The following UBE2Q1 variants were observed in gnomAD, a reference collection of about 807,000 sequenced individuals.
UBE2Q1 encodes ubiquitin conjugating enzyme E2 Q1.
UBE2Q1 carries 6 observed loss-of-function variants against 60.1 expected under a neutral mutation model. That is an observed-to-expected ratio of 0.10 (90% confidence interval 0.05 to 0.20). The LOEUF is 0.20. Ranked by LOEUF, UBE2Q1 falls within the 10% of genes least tolerant of loss-of-function variation. UBE2Q1 has a pLI of 1.00. For missense variants in UBE2Q1, 262 were observed against 525.8 expected (o/e 0.50, Z 4.91); for synonymous variants, 226 against 208.3 (o/e 1.09, Z -0.73).
chr1:154,553,400 G>A (rs1308854462), intron 4 of UBE2Q1, among the ~76,000 whole-genome samples: 2 of 152,176 alleles, frequency 1.3e-5, no homozygotes, highest in East Asian at 3.8e-4. Context: ...CAAGGACTTC[G>A]GAAACGAGCA....
chr1:154,549,424 A>C lies in UBE2Q1; in HGVS notation c.*1014T>G, dbSNP rs1002607339. On this transcript the variant is annotated 3_prime_UTR_variant, in exon 13 of 13. Transcript: ENST00000292211. ...TTCAGAGCTAGGTCTGTTCTTTTTG[A>C]TAAAGCCAAATGAAGCAAGAGAGAG... The C allele has an allele frequency of 6.6e-6, 1 of 152,338 alleles. No homozygotes were observed. Among genetic ancestry groups the C allele is most frequent in the African/African-American group, 2.4e-5 (1 of 41,454 alleles). 9.4% of individuals were successfully genotyped at this position (152,338 alleles called of 1,614,324 possible).
chr1:154,556,148 G>T (rs371633651), intron 1 of UBE2Q1, among the ~76,000 whole-genome samples, 184 bp from the exon 2 acceptor site: 64 of 139,328 alleles, frequency 4.6e-4, no homozygotes, highest in African/African-American at 1.4e-3. Context: ...ATTCTAAACT[G>T]GAAGAAAAAC....
At chr1:154,552,028 A>C in intron 8 of UBE2Q1, 49 bp from the exon 9 acceptor site, 1 of 1,613,576 alleles carries the variant, frequency 6.2e-7, no homozygotes, top group Non-Finnish European at 8.5e-7. Flanking sequence ...AGCATCCTCC[A>C]CAGGACTGTC....
chr1:154,555,613 G>T, intron 2 of UBE2Q1, 81 bp from the exon 3 acceptor site: 1 of 1,316,346 alleles, frequency 7.6e-7, no homozygotes, highest in Non-Finnish European at 1.1e-6. Flanking sequence ...CTTAGTTTGG[G>T]CCCCACACCA....
At position 154,550,376 on chromosome 1, in the gene UBE2Q1, C is replaced by G. The variant is rs1368472473; in HGVS notation, c.*62G>C. The G allele has an allele frequency of 1.9e-6, 3 of 1,606,714 alleles. No homozygotes were observed. The highest frequency in any genetic ancestry group is 2.7e-5 in the African/African-American group (2 of 74,756). ...ACAGAGGCAGCGTGAGATCCAAATA[C>G]AGCATTCAAAGGTAATTGGTCCAGT... On this transcript the variant is annotated 3_prime_UTR_variant, in exon 13 of 13. Coordinates refer to ENST00000292211, the MANE Select transcript of UBE2Q1 (RefSeq NM_017582.7).
At position 154,555,488 on chromosome 1, in the gene UBE2Q1, G is replaced by A. The variant is rs371981564; in HGVS notation, c.477C>T (p.Leu159=). ...LKRIISDLCK[L]YNLPQHPDVE... Reference sequence around the variant, plus strand: ...CATCTGGATGCTGAGGGAGGTTATAGAGTTTACACAGGTCGGAGATGATCC... The same window carrying A: ...CATCTGGATGCTGAGGGAGGTTATAAAGTTTACACAGGTCGGAGATGATCC... The change falls in exon 3 of 13, where the codon CTC becomes CTT. Residue 159 remains leucine (L), a synonymous_variant. Transcript: ENST00000292211. The A allele has an allele frequency of 6.2e-7, 1 of 1,614,158 alleles. No homozygotes were observed. Among genetic ancestry groups the A allele is most frequent in the Admixed American group, 1.7e-5 (1 of 60,022 alleles).
chr1:154,550,867 C>G, intron 12 of UBE2Q1, 71 bp downstream of exon 12: 1 of 1,612,720 alleles, frequency 6.2e-7, no homozygotes, highest in Admixed American at 1.7e-5. Flanking sequence ...GGGGTTCTTG[C>G]TCTGTGGCTG....
In UBE2Q1 at chr1:154,558,304, C is replaced by T; in HGVS notation, c.250G>A (p.Gly84Arg). Residue 84 changes from glycine to arginine, a missense_variant, in exon 1 of 13, where the codon GGG (glycine) becomes AGG (arginine). Around this residue, in one of 5 missense-constraint regions of UBE2Q1, gnomAD observed 49 missense variants for 32.5 expected, o/e 1.51. Coordinates refer to ENST00000292211, the MANE Select transcript of UBE2Q1 (RefSeq NM_017582.7). ...LLAGAGGAGA[G>R]AAPGPHLPPR... ...GGGAGATGCGGTCCGGGCGCGGCCC[C>T]CGCCCCGGCCCCTCCGGCCCCAGCC... 6.3e-7 allele frequency: 1 copy of T among 1,582,564 alleles called. No homozygotes were observed. Among genetic ancestry groups the T allele is most frequent in the South Asian group, 1.1e-5 (1 of 87,424 alleles).
Position 154,551,012 on chromosome 1 carries a change from G to A in UBE2Q1, c.1171-8C>T. 6.2e-7 allele frequency: 1 copy of A among 1,614,038 alleles called. No homozygotes were observed. On this transcript the variant is annotated splice_region_variant and splice_polypyrimidine_tract_variant and intron_variant, in intron 11 of 12. Transcript: ENST00000292211. ...TGTCAGACTGTATTGAGACTGGGGAGAGGAAGCCACCAGATCAGGCCATGG... is the reference window on the plus strand; with the variant it reads ...TGTCAGACTGTATTGAGACTGGGGAAAGGAAGCCACCAGATCAGGCCATGG...
chr1:154,550,945 T>C lies in UBE2Q1; in HGVS notation c.1230A>G (p.Glu410=). 1 of 1,614,092 alleles carries C rather than the reference T, an allele frequency of 6.2e-7. No individual in the cohort carries two copies. ...QSYKSLVQIH[E]KNGWYTPPKE... is the part of the protein sequence containing the mutation. Reference sequence around the variant, plus strand: ...TCCTGGCTCCAGCCTCACCGTTTTTTTCGTGGATCTGCACCAAGGACTTGT... The same window carrying C: ...TCCTGGCTCCAGCCTCACCGTTTTTCTCGTGGATCTGCACCAAGGACTTGT... Residue 410 remains glutamate (E), a synonymous_variant, in exon 12 of 13, where the codon GAA becomes GAG. Transcript: ENST00000292211.
At position 154,550,044 on chromosome 1, in the gene UBE2Q1, T is replaced by C. The variant is rs545581731; in HGVS notation, c.*394A>G. On this transcript the variant is annotated 3_prime_UTR_variant, in exon 13 of 13. Coordinates refer to ENST00000292211, the MANE Select transcript of UBE2Q1 (RefSeq NM_017582.7). ...ACATTTTTTTCATACACATCCATCA[T>C]ACACTGTAACCAAAAAAAGCAGTGT... 1 of 180,560 alleles carries C rather than the reference T, an allele frequency of 5.5e-6. No homozygotes were observed. Among genetic ancestry groups the C allele is most frequent in the African/African-American group, 2.3e-5 (1 of 42,682 alleles). The allele number at this position is 180,560 out of a possible 1,614,324, so 11.2% of individuals were successfully genotyped here.
chr1:154,556,707 A>G (rs561783234), intron 1 of UBE2Q1, among the ~76,000 whole-genome samples: 1 of 152,310 alleles, frequency 6.6e-6, no homozygotes, highest in South Asian at 2.1e-4. Context: ...CAAGGGGGCT[A>G]GTTTAGGCCA....
Position 154,555,500 on chromosome 1 carries a change from G to C in UBE2Q1, c.465C>G (p.Asp155Glu). The C allele has an allele frequency of 6.2e-7, 1 of 1,614,154 alleles. No homozygotes were observed. The highest frequency in any genetic ancestry group is 8.5e-7 in the Non-Finnish European group (1 of 1,180,028). The change falls in exon 3 of 13, where the codon GAC (aspartate) becomes GAG (glutamate). Residue 155 changes from aspartate to glutamate, a missense_variant. Around this residue, in one of 5 missense-constraint regions of UBE2Q1, gnomAD observed 111 missense variants for 266.8 expected, o/e 0.42. Transcript: ENST00000292211. ...GAGGGAGGTTATAGAGTTTACACAG[G>C]TCGGAGATGATCCTCTTCAGATGCT... is the stretch of plus-strand genomic sequence containing the variant. The part of the protein sequence containing the change: ...LLQHLKRIIS[D>E]LCKLYNLPQH...
chr1:154,555,776 C>T (rs1466081425), intron 2 of UBE2Q1, 84 bp downstream of exon 2: 2 of 1,324,076 alleles, frequency 1.5e-6, no homozygotes, highest in African/African-American at 1.5e-5. Flanking sequence ...GTACCGTCCA[C>T]TTTTCAGGAT....
Position 154,555,428 on chromosome 1 carries a change from C to G in UBE2Q1, c.537G>C (p.Gln179His). The change falls in exon 3 of 13, where the codon CAG becomes CAC. Residue 179 changes from glutamine to histidine, a missense_variant and splice_region_variant. Physicochemically the swap from Gln to His is conservative, Grantham distance 24. Transcript: ENST00000292211. ...GGCCCGAGGCTCCTCAGCTGCTCAC[C>G]TGCTCTGCTGGCAAGGGTTGATCCA... is the stretch of plus-strand genomic sequence containing the variant. Reference protein sequence around the residue: ...EMLDQPLPAEQCTQEDVSSED... With the variant: ...EMLDQPLPAEHCTQEDVSSED... 3 of 1,613,994 alleles carry G rather than the reference C, an allele frequency of 1.9e-6. No individual in the cohort carries two copies. Among genetic ancestry groups the G allele is most frequent in the Non-Finnish European group, 2.5e-6 (3 of 1,179,984 alleles).
chr1:154,555,625 TA>T, intron 2 of UBE2Q1, 93 bp from the exon 3 acceptor site: 1 of 1,229,726 alleles, frequency 8.1e-7, no homozygotes, highest in Non-Finnish European at 1.2e-6. Context: ...CCCACACCAA[TA>T]ACTAGTTCTC....
At chr1:154,558,150 G>A in intron 1 of UBE2Q1, 77 bp downstream of exon 1, 1 of 1,277,704 alleles carries the variant, frequency 7.8e-7, no homozygotes, top group Non-Finnish European at 1.1e-6. Context: ...GGTCCTTCGA[G>A]AGCAAAAAGC....
intron 1 of UBE2Q1, among the ~76,000 whole-genome samples, chr1:154,557,421 G>A (rs1447361791): frequency 6.6e-6 from 1 of 152,228 alleles, no homozygotes; most frequent in African/African-American, 2.4e-5. Flanking sequence ...GGGTAGACCA[G>A]GCAGGAGACA....
chr1:154,558,479 C>T lies in UBE2Q1; in HGVS notation c.75G>A (p.Pro25=). The part of the protein sequence containing the change: ...GQQLGGQGAA[P]GAGGGPGGGP... ...CCCCCCCTGGGCCGCCCCCGGCCCC[C>T]GGCGCCGCCCCCTGGCCCCCCAGCT... is the stretch of plus-strand genomic sequence containing the variant. The change falls in exon 1 of 13, where the codon CCG becomes CCA. Residue 25 remains proline (P), a synonymous_variant. Coordinates refer to ENST00000292211, the MANE Select transcript of UBE2Q1 (RefSeq NM_017582.7). The T allele has an allele frequency of 7.8e-7, 1 of 1,277,266 alleles. No individual in the cohort carries two copies. The highest frequency in any genetic ancestry group is 9.8e-7 in the Non-Finnish European group (1 of 1,016,922). 79.1% of individuals were successfully genotyped at this position (1,277,266 alleles called of 1,614,324 possible).
Sources: gnomAD v4.1 joint callset for allele counts (sites outside exome capture counted in the v4.1 genomes callset) on GRCh38, gnomAD v4.1.1 for gene constraint, gnomAD v4.1.1 regional missense constraint, MANE v1.5 for transcripts, NCBI Gene and HGNC (gene_info 2026-07-23, HGNC 2026-07-21) for gene names.